SLC30A7: variants seen among roughly 807,000 people sequenced by gnomAD.
SLC30A7 encodes zinc transporter 7.
In SLC30A7, 35 loss-of-function variants were observed where a neutral mutation model predicts 46.0. That is an observed-to-expected ratio of 0.76 (90% CI 0.58 to 1.01). The LOEUF (loss-of-function observed/expected upper bound fraction) is 1.01, where lower values mean the gene tolerates loss of function less well. Ranked by LOEUF, SLC30A7 falls within the 50% of genes least tolerant of loss-of-function variation. The pLI is 0.00. For missense variants in SLC30A7, 464 were observed against 451.1 expected (o/e 1.03, Z -0.26); for synonymous variants, 147 against 157.8 (o/e 0.93, Z 0.51).
the SLC30A7 span, chr1:100,995,939 T>G: frequency 6.6e-6 from 1 of 152,228 alleles, no homozygotes; most frequent in Non-Finnish European, 1.5e-5. Flanking sequence ...ATAAACATAG[T>G]GCAACTGAGG....
intron 8 of SLC30A7, chr1:100,941,462 A>C: frequency 2.2e-6 from 1 of 447,542 alleles, no homozygotes; most frequent in Non-Finnish European, 4.3e-6. Context: ...GTGGCCATTC[A>C]CAGTATGGTA....
intron 6 of SLC30A7, among the ~76,000 whole-genome samples, chr1:100,915,192 CTTTTCTTT>C (rs1443648601): frequency 9.3e-6 from 1 of 107,012 alleles, no homozygotes; most frequent in African/African-American, 3.4e-5. Context: ...TCTTTTCTTT[CTTTTCTTT>C]CTTTCTTTCT....
At chr1:100,944,507 A>T (rs913500992) in intron 8 of SLC30A7, among the ~76,000 whole-genome samples, 2 of 151,950 alleles carry the variant, frequency 1.3e-5, no homozygotes, top group East Asian at 3.8e-4. Context: ...TTATTTATTT[A>T]TTTTTTATTT....
downstream of SLC30A7, among the ~76,000 whole-genome samples, chr1:100,984,431 A>T (rs1018215070): frequency 1.6e-4 from 25 of 152,170 alleles, no homozygotes; most frequent in African/African-American, 5.8e-4. Context: ...TTGTTTATGA[A>T]CCCCAAGGAT....
intron 4 of SLC30A7, 74 bp downstream of exon 4, chr1:100,911,224 T>C: frequency 9.7e-7 from 1 of 1,034,196 alleles, no homozygotes; most frequent in Non-Finnish European, 1.4e-6. Context: ...AAGATATATG[T>C]AAGTTTTTTT....
At chr1:100,912,986 G>C (rs1570518357) in intron 5 of SLC30A7, among the ~76,000 whole-genome samples, 1 of 151,914 alleles carries the variant, frequency 6.6e-6, no homozygotes, top group Non-Finnish European at 1.5e-5. Flanking sequence ...TTAATTTACT[G>C]GTATTTAGAA....
At chr1:100,969,190 A>C (rs1656019430) in intron 10 of SLC30A7, among the ~76,000 whole-genome samples, 1 of 152,212 alleles carries the variant, frequency 6.6e-6, no homozygotes, top group Non-Finnish European at 1.5e-5. Context: ...GTAAGTCTAT[A>C]TCATGACATT....
rs113502196 is a variant in SLC30A7 at position 100,966,224 on chromosome 1, CA to C, written c.1083+318del. Among the ~76,000 whole-genome samples, 1,058 of 138,158 alleles carry C rather than the reference CA, an allele frequency of 7.7e-3. 16 individuals carry two copies. The highest frequency in any genetic ancestry group is 0.023 in the African/African-American group (870 of 37,886). 90.6% of individuals were successfully genotyped at this position (138,158 alleles called of 152,430 possible). On this transcript the variant is annotated intron_variant, in intron 10 of 10. Transcript: ENST00000357650. ...TGGGCCACAGAGCAAGACCCTGTCT[CA>C]AAAAAAAAAAATTGCCATTTAACAT...
chr1:100,896,452 C>A, intron 1 of SLC30A7, 110 bp downstream of exon 1: 1 of 1,438,454 alleles, frequency 7.0e-7, no homozygotes, highest in Admixed American at 1.7e-5. Flanking sequence ...TCCCCGTCAA[C>A]CCCTAGCTGT....
chr1:100,950,931 C>G (rs143169287), intron 8 of SLC30A7, among the ~76,000 whole-genome samples: 1 of 152,128 alleles, frequency 6.6e-6, no homozygotes, highest in Admixed American at 6.5e-5. Context: ...GAGCCAGCAT[C>G]GGGTTCAGTG....
intron 8 of SLC30A7, among the ~76,000 whole-genome samples, chr1:100,940,257 A>T (rs1654262164): frequency 6.6e-6 from 1 of 152,194 alleles, no homozygotes; most frequent in South Asian, 2.1e-4. Context: ...TATACCCGGA[A>T]ACATTTCAAA....
In SLC30A7 at chr1:100,980,747, A is replaced by T. The variant is rs886667499; in HGVS notation, c.*5890A>T. The T allele has an allele frequency of 1.3e-5, 2 of 151,912 alleles. No homozygotes were observed. Among genetic ancestry groups the T allele is most frequent in the African/African-American group, 4.8e-5 (2 of 41,380 alleles). The allele number at this position is 151,912 out of a possible 1,614,324, so 9.4% of individuals were successfully genotyped here. On this transcript the variant is annotated 3_prime_UTR_variant, in exon 11 of 11. Coordinates refer to ENST00000357650, the MANE Select transcript of SLC30A7 (RefSeq NM_133496.5). ...TATACAGATGTTATCCATTTTACAA[A>T]TTGTTGGATCGGAATTTGACAGAAT...
downstream of SLC30A7, among the ~76,000 whole-genome samples, chr1:100,985,826 G>C (rs1192322985): frequency 2.6e-5 from 4 of 152,100 alleles, no homozygotes; most frequent in Admixed American, 2.0e-4. Context: ...ACATAAACTG[G>C]ATTTAATCAA....
intron 2 of SLC30A7, among the ~76,000 whole-genome samples, chr1:100,901,143 A>T (rs1258977738): frequency 6.6e-6 from 1 of 152,226 alleles, no homozygotes; most frequent in Non-Finnish European, 1.5e-5. Flanking sequence ...ATTATCACCC[A>T]TGAAAATTAA....
At chr1:100,957,531 C>T (rs536942686) in intron 8 of SLC30A7, among the ~76,000 whole-genome samples, 15 of 152,132 alleles carry the variant, frequency 9.9e-5, no homozygotes, top group African/African-American at 3.4e-4. Flanking sequence ...TCTACTCCTT[C>T]ATTTTATAGA....
At chr1:100,924,267 C>G (rs768692854) in intron 8 of SLC30A7, among the ~76,000 whole-genome samples, 1 of 152,180 alleles carries the variant, frequency 6.6e-6, no homozygotes, top group Non-Finnish European at 1.5e-5. Flanking sequence ...CAGTACTTCT[C>G]AATTCATACT....
Position 100,980,424 on chromosome 1 carries a change from A to G in SLC30A7, c.*5567A>G. 6.6e-6 allele frequency: 1 copy of G among 152,128 alleles called. No individual in the cohort carries two copies. Among genetic ancestry groups the G allele is most frequent in the East Asian group, 1.9e-4 (1 of 5,204 alleles). 9.4% of individuals were successfully genotyped at this position (152,128 alleles called of 1,614,324 possible). A position where few individuals can be genotyped will look rare whatever the true frequency, so the allele number is the denominator to read the frequency against. On this transcript the variant is annotated 3_prime_UTR_variant, in exon 11 of 11. Transcript: ENST00000357650. ...TTGAAAATTATTTGTAATTTTGATC[A>G]TGATGTTGGAAAGCTTGTAATAAAG...
At chr1:100,952,321 A>G (rs1456549966) in intron 8 of SLC30A7, among the ~76,000 whole-genome samples, 2 of 152,116 alleles carry the variant, frequency 1.3e-5, no homozygotes, top group Non-Finnish European at 2.9e-5. Context: ...CTGTGACTCA[A>G]TTTTTCATCT....
intron 8 of SLC30A7, among the ~76,000 whole-genome samples, chr1:100,956,899 G>A (rs907379050): frequency 3.3e-5 from 5 of 152,196 alleles, no homozygotes; most frequent in African/African-American, 1.2e-4. Flanking sequence ...AAATTCATAT[G>A]TGCCTTCTTC....
Sources: allele counts gnomAD v4.1 joint callset (sites outside exome capture counted in the v4.1 genomes callset), GRCh38; gene constraint gnomAD v4.1.1; transcripts MANE v1.5; gene names NCBI Gene and HGNC (gene_info 2026-07-23, HGNC 2026-07-21).